CCDC32: variants seen among roughly 807,000 people sequenced by gnomAD.
CCDC32 encodes the protein coiled-coil domain-containing protein 32.
A neutral mutation model predicts 20.1 loss-of-function variants in CCDC32; 9 were observed. That is an observed-to-expected ratio of 0.45 (90% CI 0.27 to 0.78). The LOEUF is 0.78. Among genes scored for constraint, CCDC32 ranks in the 30% least tolerant of loss-of-function variants. The pLI, the probability that CCDC32 is intolerant of heterozygous loss-of-function variation, is 0.16. For synonymous variants in CCDC32, 63 were observed against 79.0 expected (o/e 0.80, Z 1.07); for missense variants, 204 against 215.5 (o/e 0.95, Z 0.33).
At chr15:40,549,359 G>A (rs1253403498), downstream of CCDC32, among the ~76,000 whole-genome samples, 1 of 152,070 alleles carries the variant, frequency 6.6e-6, no homozygotes, top group Non-Finnish European at 1.5e-5. Context: ...TTTGCTTTTA[G>A]GGCTTTGCAC....
chr15:40,524,574 G>A (rs1894875219), downstream of CCDC32, among the ~76,000 whole-genome samples: 1 of 152,048 alleles, frequency 6.6e-6, no homozygotes, highest in Non-Finnish European at 1.5e-5. Context: ...AAGCTATAGG[G>A]ACAGCAGATC....
chr15:40,544,254 C>T (rs1477140945), intron 3 of CCDC32, among the ~76,000 whole-genome samples: 1 of 152,186 alleles, frequency 6.6e-6, no homozygotes, highest in Non-Finnish European at 1.5e-5. Context: ...TGCTCTGTCG[C>T]CCAGGATAGG....
downstream of CCDC32, among the ~76,000 whole-genome samples, chr15:40,549,676 T>C (rs373777139): frequency 6.6e-6 from 1 of 152,188 alleles, no homozygotes; most frequent in African/African-American, 2.4e-5. Context: ...TCAACAAATA[T>C]TGGTTAGATG....
At chr15:40,546,009 G>A (rs1889602588) in intron 3 of CCDC32, among the ~76,000 whole-genome samples, 1 of 151,956 alleles carries the variant, frequency 6.6e-6, no homozygotes, top group African/African-American at 2.4e-5. Context: ...GTTTTGCTTT[G>A]TTTTGCTTTT....
intron 3 of CCDC32, among the ~76,000 whole-genome samples, chr15:40,555,173 G>GT (rs1890156152): frequency 1.3e-5 from 2 of 152,188 alleles, no homozygotes; most frequent in Non-Finnish European, 2.9e-5. Flanking sequence ...AGGCTCTGGG[G>GT]AAAAATCTAA....
At chr15:40,540,370 C>CT (rs869261368) in intron 3 of CCDC32, among the ~76,000 whole-genome samples, 1,093 of 83,022 alleles carry the variant, frequency 0.013, 8 homozygotes, top group African/African-American at 0.031. Context: ...TTTTCTTTTT[C>CT]TTTTTTTTTT....
rs555773072 is a variant in CCDC32, at chr15:40,555,575, G to T, written c.402-1448C>A. Among the ~76,000 whole-genome samples, 5 of 152,294 alleles carry T rather than the reference G, an allele frequency of 3.3e-5. No individual in the cohort carries two copies. In the East Asian group the frequency reaches 9.6e-4, roughly 29 times the overall value. ...AGGTTGGACCTTTAGAGATAGAAAA[G>T]AGCAAAATGTATATAATTTCCTGAA... On this transcript the variant is annotated intron_variant, in intron 3 of 3. Coordinates refer to ENST00000416810, the MANE Select transcript of CCDC32 (RefSeq NM_001080792.4).
At chr15:40,546,441 G>A (rs756773155) in intron 3 of CCDC32, among the ~76,000 whole-genome samples, 2 of 151,560 alleles carry the variant, frequency 1.3e-5, no homozygotes, top group Non-Finnish European at 2.9e-5. Flanking sequence ...CTCCTGCCTT[G>A]GCCTCCCAAA....
chr15:40,564,715 A>T, intron 1 of CCDC32: 1 of 1,613,290 alleles, frequency 6.2e-7, no homozygotes. Flanking sequence ...GCTACAGTGA[A>T]CCCCCAACCC....
At chr15:40,532,251 A>G (rs778633312), downstream of CCDC32, 156 of 703,282 alleles carry the variant, frequency 2.2e-4, no homozygotes, top group Non-Finnish European at 1.1e-4. Flanking sequence ...GTAACATACT[A>G]TTGTCCTGGC....
the CCDC32 span, among the ~76,000 whole-genome samples, chr15:40,521,522 T>G: frequency 6.6e-6 from 1 of 152,228 alleles, no homozygotes; most frequent in Non-Finnish European, 1.5e-5. Context: ...TACACGTTTT[T>G]GTGTGGGATA....
chr15:40,553,903 GGCGTGTGT>G lies in CCDC32; in HGVS notation c.*60_*67del. ...CGCTCTGGACCCGAGACAGCTGCTCGGCGTGTGTGTGTGTGTGTGTGTGTGTGTGTGTG... is the reference window on the plus strand; with the variant it reads ...CGCTCTGGACCCGAGACAGCTGCTCGGTGTGTGTGTGTGTGTGTGTGTGTG... On this transcript the variant is annotated 3_prime_UTR_variant, in exon 4 of 4. Coordinates refer to ENST00000416810, the MANE Select transcript of CCDC32 (RefSeq NM_001080792.4). 1 of 1,357,116 alleles carries G rather than the reference GGCGTGTGT, an allele frequency of 7.4e-7. No individual in the cohort carries two copies. The highest frequency in any genetic ancestry group is 9.7e-7 in the Non-Finnish European group (1 of 1,028,720). 84.1% of individuals were successfully genotyped at this position (1,357,116 alleles called of 1,614,324 possible).
At position 40,546,207 on chromosome 15, in the gene CCDC32, T is replaced by A. The variant is rs534507165; in HGVS notation, c.402-6852A>T. ...CTTTTTCTTTCCTTTTTTTTTTTTT[T>A]CTGAGATAGGGTCTCACCCTGTCAC... is the stretch of plus-strand genomic sequence containing the variant. On this transcript the variant is annotated intron_variant, in intron 3 of 3. Coordinates refer to the CCDC32 transcript ENST00000558113. Among the ~76,000 whole-genome samples the A allele has an allele frequency of 3.2e-3, 487 of 149,966 alleles. 4 individuals are homozygous for A. The highest frequency in any genetic ancestry group is 5.0e-3 in the Non-Finnish European group (342 of 67,744).
chr15:40,564,874 T>C (rs1240015882), intron 1 of CCDC32, 102 bp downstream of exon 1: 4 of 1,528,478 alleles, frequency 2.6e-6, no homozygotes, highest in Non-Finnish European at 3.6e-6. Flanking sequence ...TAGGGCTGTC[T>C]GGACGGGATG....
downstream of CCDC32, chr15:40,532,436 A>G: frequency 1.7e-6 from 1 of 591,332 alleles, no homozygotes; most frequent in Non-Finnish European, 3.1e-6. Flanking sequence ...GACACTTATC[A>G]GGTAGTATGA....
rs374841392 is a variant in CCDC32 at position 40,557,201 on chromosome 15, C to T, written c.401+15G>A. On this transcript the variant is annotated intron_variant, in intron 3 of 3. Transcript: ENST00000416810. ...AAGGATGATTTCAGCTGGAACTAGACGGGGAATCGATTACCTCTCATCAGA... is the reference window on the plus strand; with the variant it reads ...AAGGATGATTTCAGCTGGAACTAGATGGGGAATCGATTACCTCTCATCAGA... 7.7e-5 allele frequency: 124 copies of T among 1,601,256 alleles called. No homozygotes were observed. The highest frequency in any genetic ancestry group is 2.9e-4 in the East Asian group (13 of 44,698).
chr15:40,554,340 T>A (rs1228725821), intron 3 of CCDC32, among the ~76,000 whole-genome samples: 3 of 152,166 alleles, frequency 2.0e-5, no homozygotes. Flanking sequence ...TAGTGGGCAC[T>A]TTGACTACAG....
chr15:40,531,155 C>A (rs767240719), downstream of CCDC32, among the ~76,000 whole-genome samples: 3 of 151,296 alleles, frequency 2.0e-5, no homozygotes, highest in Non-Finnish European at 4.4e-5. Flanking sequence ...ATAGTAGACA[C>A]TGGAGACTTG....
intron 3 of CCDC32, among the ~76,000 whole-genome samples, chr15:40,541,774 T>C (rs1394174870): frequency 1.3e-5 from 2 of 152,180 alleles, no homozygotes; most frequent in Non-Finnish European, 2.9e-5. Context: ...TACATACAGG[T>C]CCTTGTCTCA....
Sources: allele counts gnomAD v4.1 joint callset (sites outside exome capture counted in the v4.1 genomes callset), GRCh38; gene constraint gnomAD v4.1.1; transcripts MANE v1.5; gene names NCBI Gene and HGNC (gene_info 2026-07-23, HGNC 2026-07-21).